YBEY: variants seen among roughly 807,000 people sequenced by gnomAD.
YBEY encodes the protein ybeY metalloendoribonuclease.
A neutral mutation model predicts 13.5 loss-of-function variants in YBEY; 15 were observed. That is an observed-to-expected ratio of 1.11 (90% CI 0.75 to 1.72). The LOEUF (loss-of-function observed/expected upper bound fraction) is 1.72. YBEY is among the 40% of genes most tolerant of loss of function. YBEY has a pLI of 0.00. For missense variants in YBEY, 244 were observed against 208.4 expected (o/e 1.17, Z -1.05); for synonymous variants, 101 against 83.1 (o/e 1.21, Z -1.17).
chr21:46,297,585 C>T lies in YBEY; in HGVS notation c.455C>T (p.Thr152Met), dbSNP rs2081995819. 1.4e-6 allele frequency: 2 copies of T among 1,386,282 alleles called. No individual in the cohort carries two copies. The highest frequency in any genetic ancestry group is 1.6e-5 in the South Asian group (1 of 61,524). 85.9% of individuals were successfully genotyped at this position (1,386,282 alleles called of 1,614,324 possible). A position where few individuals can be genotyped will look rare whatever the true frequency, so the allele number is the denominator to read the frequency against. ...KAVLDELGRR[T>M]GTRLQPLTRG... The stretch of plus-strand genomic sequence containing the variant: ...GTGCTGGACGAGCTGGGCCGACGCA[C>T]GGGGACCCGGCTGCAGCCCCTGACC... Residue 152 changes from threonine to methionine, a missense_variant, in exon 5 of 5, where the codon ACG (threonine) becomes ATG (methionine). By Grantham distance (81) the Thr-to-Met change is moderately conservative. Coordinates refer to ENST00000397701, the MANE Select transcript of YBEY (RefSeq NM_001314025.2).
At chr21:46,301,067 A>G (rs1029359421), downstream of YBEY, 23 of 1,034,930 alleles carry the variant, frequency 2.2e-5, no homozygotes, top group Non-Finnish European at 2.7e-5. Flanking sequence ...TTCTGCATTT[A>G]TAGCATTAGC....
intron 2 of YBEY, among the ~76,000 whole-genome samples, chr21:46,288,697 G>A (rs902719896): frequency 6.8e-6 from 1 of 146,772 alleles, no homozygotes; most frequent in African/African-American, 2.5e-5. Context: ...AAAAAAAAAA[G>A]AAGAAAAGAA....
At chr21:46,308,024 C>T in the YBEY span, among the ~76,000 whole-genome samples, 5 of 151,932 alleles carry the variant, frequency 3.3e-5, no homozygotes, top group African/African-American at 7.2e-5. Flanking sequence ...GACAGAGTCT[C>T]GCTCTGTCAC....
At chr21:46,299,181 A>G (rs2082048758), downstream of YBEY, among the ~76,000 whole-genome samples, 1 of 151,410 alleles carries the variant, frequency 6.6e-6, no homozygotes, top group Non-Finnish European at 1.5e-5. Context: ...TTGGCCGGGC[A>G]GGTCTCAAAT....
intron 2 of YBEY, among the ~76,000 whole-genome samples, chr21:46,288,697 GAAGAA>G (rs2081572181): frequency 6.8e-6 from 1 of 146,772 alleles, no homozygotes; most frequent in East Asian, 2.0e-4. Context: ...AAAAAAAAAA[GAAGAA>G]AAGAAAATGC....
downstream of YBEY, chr21:46,302,469 T>TG (rs1180315481): frequency 6.3e-7 from 1 of 1,584,970 alleles, no homozygotes; most frequent in African/African-American, 1.3e-5. Flanking sequence ...AGGGTTCTGC[T>TG]GGGGGCTAAG....
intron 2 of YBEY, among the ~76,000 whole-genome samples, chr21:46,290,253 A>G (rs1279460471): frequency 4.0e-5 from 6 of 151,820 alleles, no homozygotes; most frequent in Non-Finnish European, 1.5e-5. Context: ...AGCCAGGCTG[A>G]AGTGCAATGG....
the YBEY span, among the ~76,000 whole-genome samples, chr21:46,312,404 C>T: frequency 6.6e-6 from 1 of 152,224 alleles, no homozygotes; most frequent in Non-Finnish European, 1.5e-5. Context: ...CTGCAACCTC[C>T]GCCTCCCAGG....
chr21:46,304,524 C>T, the YBEY span, among the ~76,000 whole-genome samples: 1 of 151,598 alleles, frequency 6.6e-6, no homozygotes, highest in Non-Finnish European at 1.5e-5. Context: ...AAACAAATGG[C>T]CAATAAATAT....
At chr21:46,297,360 T>C (rs1264503083) in intron 4 of YBEY, among the ~76,000 whole-genome samples, 179 bp from the exon 5 acceptor site, 1 of 146,134 alleles carries the variant, frequency 6.8e-6, no homozygotes, top group Admixed American at 6.9e-5. Context: ...GTGCACTCGC[T>C]GAGCTCAGGT....
downstream of YBEY, among the ~76,000 whole-genome samples, chr21:46,298,770 G>T (rs1050966980): frequency 6.6e-6 from 1 of 151,536 alleles, no homozygotes; most frequent in Non-Finnish European, 1.5e-5. Flanking sequence ...TGTTGCCCAG[G>T]CTGGAGTGCA....
downstream of YBEY, among the ~76,000 whole-genome samples, chr21:46,298,144 C>T (rs1395888886): frequency 1.3e-5 from 2 of 152,208 alleles, no homozygotes; most frequent in Admixed American, 6.5e-5. Flanking sequence ...GCGAGGCCGC[C>T]GAGCAGCACC....
chr21:46,296,840 C>A (rs35835424), intron 4 of YBEY, among the ~76,000 whole-genome samples: 43,949 of 151,426 alleles, frequency 0.29, 6,964 homozygotes, highest in Admixed American at 0.4. Flanking sequence ...ACTAAAAATA[C>A]AAAATTAGCT....
downstream of YBEY, among the ~76,000 whole-genome samples, chr21:46,299,039 CTTTCTTTCT>C (rs1569107937): frequency 8.1e-6 from 1 of 123,496 alleles, no homozygotes; most frequent in African/African-American, 3.2e-5. Flanking sequence ...TCCTGTATTT[CTTTCTTTCT>C]TTTTTTTTTT....
chr21:46,312,981 C>A, the YBEY span: 5 of 985,202 alleles, frequency 5.1e-6, no homozygotes, highest in Middle Eastern at 5.2e-4. Flanking sequence ...GCATGAAAGG[C>A]CTTCTGTTTT....
chr21:46,300,450 TAGAA>T (rs1203857986), downstream of YBEY: 11 of 214,024 alleles, frequency 5.1e-5, no homozygotes, highest in Middle Eastern at 6.0e-3. Flanking sequence ...ACATTTTTAA[TAGAA>T]AGAAAGAAAT....
downstream of YBEY, among the ~76,000 whole-genome samples, chr21:46,298,078 G>A (rs909711964): frequency 2.0e-5 from 3 of 152,240 alleles, no homozygotes; most frequent in African/African-American, 7.2e-5. Context: ...CGCGTCGCGA[G>A]CGCGCTGGTT....
chr21:46,286,666 C>A (rs562450397), intron 1 of YBEY: 5 of 353,530 alleles, frequency 1.4e-5, no homozygotes, highest in African/African-American at 6.4e-5. Flanking sequence ...TTCCGCTCCG[C>A]CCGCCTGGAG....
intron 3 of YBEY, among the ~76,000 whole-genome samples, chr21:46,295,230 C>G (rs749953572): frequency 3.9e-5 from 6 of 152,076 alleles, no homozygotes; most frequent in Non-Finnish European, 5.9e-5. Context: ...GGCCAGCCCA[C>G]CAGCCCAGGA....
Sources: allele counts gnomAD v4.1 joint callset (sites outside exome capture counted in the v4.1 genomes callset), GRCh38; gene constraint gnomAD v4.1.1; transcripts MANE v1.5; gene names NCBI Gene and HGNC (gene_info 2026-07-23, HGNC 2026-07-21).